The following ORC3 variants were observed in gnomAD, a reference collection of about 807,000 sequenced individuals.
ORC3 encodes the protein origin recognition complex subunit 3, also known as homolog of latheo, Drosophila.
ORC3 carries 78 observed loss-of-function variants against 100.7 expected under a neutral mutation model. The ratio of observed to expected loss-of-function variants is 0.77; its 90% CI spans 0.65 to 0.94. ORC3 has a LOEUF of 0.94. ORC3 is among the 40% of genes least tolerant of loss of function. The probability of loss-of-function intolerance (pLI) is 0.00; values close to 1 mark genes in which losing one functional copy is unlikely to be tolerated. For synonymous variants in ORC3, 295 were observed against 289.3 expected (o/e 1.02, Z -0.20); for missense variants, 789 against 823.9 (o/e 0.96, Z 0.52).
chr6:87,656,709 GA>G (rs1171988252), intron 14 of ORC3, among the ~76,000 whole-genome samples, 196 bp from the exon 15 acceptor site: 6 of 151,970 alleles, frequency 3.9e-5, no homozygotes, highest in African/African-American at 7.3e-5. Flanking sequence ...ATTTTTTGAA[GA>G]CATCACTACA....
chr6:87,644,393 G>A (rs987225479), intron 13 of ORC3, among the ~76,000 whole-genome samples: 3 of 151,474 alleles, frequency 2.0e-5, no homozygotes, highest in Non-Finnish European at 3.0e-5. Context: ...GCGCCCGGCC[G>A]GCTGACTGTA....
chr6:87,608,628 G>T (rs1187004223), intron 6 of ORC3, among the ~76,000 whole-genome samples: 2 of 152,066 alleles, frequency 1.3e-5, no homozygotes, highest in African/African-American at 4.8e-5. Flanking sequence ...GTTTATGTCA[G>T]ATATCTTTTT....
intron 13 of ORC3, among the ~76,000 whole-genome samples, chr6:87,645,411 T>A (rs533373413): frequency 2.0e-5 from 3 of 152,234 alleles, no homozygotes; most frequent in Non-Finnish European, 4.4e-5. Flanking sequence ...ATTGTTATCA[T>A]CCTACATAAT....
chr6:87,621,832 G>A (rs1779554019), intron 10 of ORC3, 118 bp from the exon 11 acceptor site: 2 of 684,832 alleles, frequency 2.9e-6, no homozygotes, highest in Admixed American at 2.8e-5. Flanking sequence ...ATTTATTTTT[G>A]TGAAGAAATG....
intron 16 of ORC3, among the ~76,000 whole-genome samples, chr6:87,661,888 A>G (rs1420143777): frequency 1.3e-5 from 2 of 152,168 alleles, no homozygotes; most frequent in Non-Finnish European, 2.9e-5. Flanking sequence ...CCAGTATAGT[A>G]TCACTGTCAT....
chr6:87,638,442 C>T (rs1767985161), intron 13 of ORC3, among the ~76,000 whole-genome samples: 1 of 152,086 alleles, frequency 6.6e-6, no homozygotes, highest in Admixed American at 6.5e-5. Context: ...ACTAAAATGA[C>T]CCCTGAATGA....
chr6:87,593,173 C>T (rs1040862294), intron 1 of ORC3, among the ~76,000 whole-genome samples: 4 of 152,064 alleles, frequency 2.6e-5, no homozygotes, highest in African/African-American at 7.2e-5. Context: ...TAGACTAGGA[C>T]CACTAACTTG....
At chr6:87,596,596 A>G (rs1777464949) in intron 2 of ORC3, among the ~76,000 whole-genome samples, 2 of 152,154 alleles carry the variant, frequency 1.3e-5, no homozygotes, top group South Asian at 4.1e-4. Flanking sequence ...GTGGTTATGT[A>G]AGTATATACC....
chr6:87,606,491 T>A (rs1778350860), intron 5 of ORC3, among the ~76,000 whole-genome samples: 1 of 152,078 alleles, frequency 6.6e-6, no homozygotes, highest in Non-Finnish European at 1.5e-5. Context: ...TGTGAACCCA[T>A]GAAATCATAA....
rs968162449 is a variant in ORC3, at chr6:87,653,915, G to T, written c.1516+666G>T. ...GATTGTATATAGGTAGCCATGTTCTGTTCCCTAAATACTAGCTTTTCATGG... is the reference window on the plus strand; with the variant it reads ...GATTGTATATAGGTAGCCATGTTCTTTTCCCTAAATACTAGCTTTTCATGG... On this transcript the variant is annotated intron_variant, in intron 14 of 19. Transcript: ENST00000392844. Among the ~76,000 whole-genome samples, 12 of 152,244 alleles carry T rather than the reference G, an allele frequency of 7.9e-5. 1 individual carries two copies. Among genetic ancestry groups the T allele is most frequent in the Admixed American group, 5.9e-4 (9 of 15,288 alleles).
At chr6:87,658,822 T>G (rs1769930695) in intron 16 of ORC3, among the ~76,000 whole-genome samples, 1 of 152,154 alleles carries the variant, frequency 6.6e-6, no homozygotes, top group South Asian at 2.1e-4. Context: ...TGGGTAAATT[T>G]AGAAGTCTAC....
rs1769763797 is a variant in ORC3, at chr6:87,656,997, T to C, written c.1593+15T>C. The C allele has an allele frequency of 6.5e-7, 1 of 1,531,898 alleles. No individual in the cohort carries two copies. Among genetic ancestry groups the C allele is most frequent in the Non-Finnish European group, 9.1e-7 (1 of 1,104,482 alleles). The allele number at this position is 1,531,898 out of a possible 1,614,324, so 94.9% of individuals were successfully genotyped here. ...ATCTTCAGAAGGTCAGGTCACTCTC[T>C]TCCCTTCCAGCTGCATCCTGTGACA... is the stretch of plus-strand genomic sequence containing the variant. On this transcript the variant is annotated intron_variant, in intron 15 of 19. Transcript: ENST00000392844.
Position 87,653,161 on chromosome 6 carries a change from C to T in ORC3, c.1428C>T (p.Phe476=). Residue 476 remains phenylalanine (F), a synonymous_variant, in exon 14 of 20, where the codon TTC becomes TTT. Transcript: ENST00000392844. ...DELMTILEKC[F]KVFKSYCENH... The stretch of plus-strand genomic sequence containing the variant: ...TGATGACCATACTTGAGAAATGTTT[C>T]AAGGTTTTTAAGTCTTATTGTGAAA... The T allele has an allele frequency of 6.2e-7, 1 of 1,613,484 alleles. No individual in the cohort carries two copies. The highest frequency in any genetic ancestry group is 8.5e-7 in the Non-Finnish European group (1 of 1,179,488).
intron 16 of ORC3, among the ~76,000 whole-genome samples, chr6:87,659,017 T>TGG (rs1201770464): frequency 2.8e-4 from 3 of 10,546 alleles, no homozygotes; most frequent in African/African-American, 1.1e-3. Context: ...ACCTAAAAAG[T>TGG]GGGGCGGGGG....
At chr6:87,615,991 A>G (rs918040439) in intron 8 of ORC3, among the ~76,000 whole-genome samples, 10 of 151,940 alleles carry the variant, frequency 6.6e-5, no homozygotes, top group African/African-American at 2.4e-4. Context: ...CAAAGCCTGC[A>G]GCTTCTTCAG....
intron 1 of ORC3, 37 bp downstream of exon 1, chr6:87,590,229 T>C: frequency 6.2e-7 from 1 of 1,606,358 alleles, no homozygotes; most frequent in Non-Finnish European, 8.5e-7. Flanking sequence ...GCTCTACCGC[T>C]GCCTCATTCC....
At chr6:87,598,088 G>A (rs1191121603) in intron 2 of ORC3, among the ~76,000 whole-genome samples, 1 of 152,168 alleles carries the variant, frequency 6.6e-6, no homozygotes, top group Non-Finnish European at 1.5e-5. Context: ...GGAGTGCAGT[G>A]GCACAATCAT....
At chr6:87,613,950 G>A (rs574129492) in intron 8 of ORC3, among the ~76,000 whole-genome samples, 3 of 152,154 alleles carry the variant, frequency 2.0e-5, no homozygotes, top group Admixed American at 6.5e-5. Context: ...CTACCATTCT[G>A]GGGTGTAGAG....
chr6:87,644,773 T>C (rs1460637919), intron 13 of ORC3, among the ~76,000 whole-genome samples: 4 of 151,640 alleles, frequency 2.6e-5, no homozygotes, highest in Non-Finnish European at 5.9e-5. Flanking sequence ...CACTTGAACC[T>C]GGGAGGTGGA....
Sources: allele counts gnomAD v4.1 joint callset (sites outside exome capture counted in the v4.1 genomes callset), GRCh38; gene constraint gnomAD v4.1.1; transcripts MANE v1.5; gene names NCBI Gene and HGNC (gene_info 2026-07-23, HGNC 2026-07-21).